Variants in TMC5 observed in about 807,000 individuals in gnomAD.
TMC5 encodes transmembrane channel like 5.
Under a neutral mutation model 110.5 loss-of-function variants are expected in TMC5, and 86 were observed. That is an observed-to-expected ratio of 0.78 (90% CI 0.65 to 0.93). The LOEUF is 0.93. Among genes scored for constraint, TMC5 ranks in the 40% least tolerant of loss-of-function variants. The pLI, the probability that TMC5 is intolerant of heterozygous loss-of-function variation, is 0.00. For synonymous variants in TMC5, 455 were observed against 439.5 expected (o/e 1.04, Z -0.44); for missense variants, 1,144 against 1,222.8 (o/e 0.94, Z 0.96).
At chr16:19,474,323 G>T (rs1373700315) in intron 12 of TMC5, 47 bp downstream of exon 12, 1 of 1,585,194 alleles carries the variant, frequency 6.3e-7, no homozygotes, top group Non-Finnish European at 8.6e-7. Context: ...TCCACAGAGA[G>T]AAGTGGGATG....
chr16:19,418,577 C>T (rs1217037994), intron 1 of TMC5, among the ~76,000 whole-genome samples: 3 of 151,916 alleles, frequency 2.0e-5, no homozygotes, highest in Non-Finnish European at 4.4e-5. Context: ...GGTGGTCTCT[C>T]CCAATGGTAT....
chr16:19,484,278 G>A (rs1968685594), intron 15 of TMC5, among the ~76,000 whole-genome samples: 1 of 152,184 alleles, frequency 6.6e-6, no homozygotes, highest in South Asian at 2.1e-4. Context: ...TAGAGACAGT[G>A]AGGACCTTTC....
intron 4 of TMC5, among the ~76,000 whole-genome samples, chr16:19,445,186 A>C (rs1967586266): frequency 6.6e-6 from 1 of 152,110 alleles, no homozygotes; most frequent in East Asian, 1.9e-4. Flanking sequence ...TATTTGAAAA[A>C]TCATGTTGTC....
chr16:19,491,976 G>A (rs1968918695), intron 18 of TMC5, among the ~76,000 whole-genome samples, 174 bp from the exon 19 acceptor site: 1 of 152,160 alleles, frequency 6.6e-6, no homozygotes, highest in African/African-American at 2.4e-5. Context: ...TCCCCCTTCA[G>A]GAACCATTGT....
intron 8 of TMC5, 61 bp downstream of exon 8, chr16:19,464,085 C>T: frequency 1.3e-6 from 2 of 1,564,042 alleles, no homozygotes; most frequent in Non-Finnish European, 1.7e-6. Context: ...CAGGGACGTG[C>T]CTTGCCGGTC....
At chr16:19,417,078 A>G (rs1252761622), upstream of TMC5, among the ~76,000 whole-genome samples, 1 of 140,508 alleles carries the variant, frequency 7.1e-6, no homozygotes, top group African/African-American at 2.7e-5. Flanking sequence ...TGGGCGACAG[A>G]GCAAGACTCA....
intron 17 of TMC5, chr16:19,488,004 G>C (rs1286190928): frequency 6.5e-6 from 1 of 152,800 alleles, no homozygotes; most frequent in Non-Finnish European, 1.5e-5. Context: ...TCAGTAGGCT[G>C]TGGGATATGG....
chr16:19,444,343 G>A (rs1487719808), intron 4 of TMC5, 93 bp downstream of exon 4: 2 of 1,144,646 alleles, frequency 1.7e-6, no homozygotes, highest in Admixed American at 2.4e-5. Context: ...GGCAATAGGA[G>A]AATTGGTGTA....
intron 1 of TMC5, among the ~76,000 whole-genome samples, chr16:19,429,221 G>A (rs1967147280): frequency 6.6e-6 from 1 of 152,156 alleles, no homozygotes; most frequent in Non-Finnish European, 1.5e-5. Context: ...TAGGCTCCAA[G>A]GAGTCTAAGT....
rs538102129 is a variant in TMC5, at chr16:19,428,513, T to C, written c.-307-1900T>C. ...AAAAATACATTAGAACTCATGTTAA[T>C]TCAGTGTTATAAGACGCATTTGTTA... On this transcript the variant is annotated intron_variant, in intron 1 of 21. Transcript: ENST00000542583. Among the ~76,000 whole-genome samples the C allele has an allele frequency of 4.3e-4, 66 of 152,276 alleles. 1 individual carries two copies. The South Asian group carries it at 0.013, about 30-fold the overall frequency.
At chr16:19,423,459 T>C (rs1967026781) in intron 1 of TMC5, among the ~76,000 whole-genome samples, 1 of 152,234 alleles carries the variant, frequency 6.6e-6, no homozygotes, top group East Asian at 1.9e-4. Context: ...CTCCACTTCA[T>C]AAGAGAAGGA....
Position 19,486,992 on chromosome 16 carries a change from T to C in TMC5, c.2411T>C (p.Met804Thr). ...CTGCTGCCCTTTATCCAAATGATTA[T>C]GCTTTTCATCATGTTCTACTCCAAA... Reference protein sequence around the residue: ...CPLLPFIQMIMLFIMFYSKNI... With the variant: ...CPLLPFIQMITLFIMFYSKNI... The change falls in exon 16 of 22, where the codon ATG becomes ACG. Residue 804 changes from methionine (M) to threonine (T), a missense_variant. Met to Thr is a moderately conservative substitution (Grantham distance 81). Coordinates refer to ENST00000542583, the MANE Select transcript of TMC5 (RefSeq NM_001261841.2). 1.2e-6 allele frequency: 2 copies of C among 1,614,132 alleles called. No individual in the cohort carries two copies. The highest frequency in any genetic ancestry group is 2.2e-5 in the East Asian group (1 of 44,878).
Position 19,473,593 on chromosome 16 carries a change from C to T in TMC5, c.1939-532C>T, listed in dbSNP as rs552466966. Among the ~76,000 whole-genome samples the T allele has an allele frequency of 2.0e-5, 3 of 152,300 alleles. No homozygotes were observed. In the South Asian group the frequency reaches 6.2e-4, roughly 32 times the overall value. ...GACACACCTAGGCTCCAATCTGCCA[C>T]TTCCTTGCTGGGTGACCCTGGGCAA... is the stretch of plus-strand genomic sequence containing the variant. On this transcript the variant is annotated intron_variant, in intron 11 of 21. Transcript: ENST00000542583.
chr16:19,440,873 T>A (rs1213915540), intron 3 of TMC5, 47 bp downstream of exon 3: 1 of 1,554,320 alleles, frequency 6.4e-7, no homozygotes, highest in Admixed American at 1.8e-5. Flanking sequence ...TGCTGAGTGC[T>A]GAATCATTAA....
At chr16:19,463,728 T>A in intron 7 of TMC5, 48 bp from the exon 8 acceptor site, 2 of 1,595,490 alleles carry the variant, frequency 1.3e-6, no homozygotes, top group Non-Finnish European at 1.7e-6. Flanking sequence ...TCAGTCGATA[T>A]TTGTTGAGTC....
At position 19,472,502 on chromosome 16, in the gene TMC5, G is replaced by A. The variant is rs554920170; in HGVS notation, c.1938+259G>A. On this transcript the variant is annotated intron_variant, in intron 11 of 21. Coordinates refer to ENST00000542583, the MANE Select transcript of TMC5 (RefSeq NM_001261841.2). ...GCCTGGGCAACATGGAGACTTCATC[G>A]CTAAAAAAATTTTAAAAATTAGCCT... Among the ~76,000 whole-genome samples, 72 of 152,052 alleles carry A rather than the reference G, an allele frequency of 4.7e-4. No homozygotes were observed. The East Asian group carries it at 6.8e-3, about 14-fold the overall frequency.
At chr16:19,474,313 T>A in intron 12 of TMC5, 37 bp downstream of exon 12, 1 of 1,599,826 alleles carries the variant, frequency 6.3e-7, no homozygotes, top group Non-Finnish European at 8.5e-7. Flanking sequence ...AGCCTCTATT[T>A]CCACAGAGAG....
chr16:19,490,022 C>T (rs1968847323), intron 17 of TMC5, among the ~76,000 whole-genome samples: 1 of 152,066 alleles, frequency 6.6e-6, no homozygotes, highest in Admixed American at 6.6e-5. Flanking sequence ...TGGGCTCAAG[C>T]AATCCTCCCA....
At position 19,427,172 on chromosome 16, in the gene TMC5, G is replaced by A. The variant is rs1329742053; in HGVS notation, c.-307-3241G>A. On this transcript the variant is annotated intron_variant, in intron 1 of 21. Coordinates refer to ENST00000542583, the MANE Select transcript of TMC5 (RefSeq NM_001261841.2). ...ATAATGTTTTAAATGTTGGAGTTCC[G>A]GCTGGGCACAATGGCTCACACCTGT... 5.9e-5 allele frequency among the ~76,000 whole-genome samples: 9 copies of A among 152,272 alleles called. 1 individual carries two copies. The South Asian group carries it at 8.3e-4, about 14-fold the overall frequency.
Sources: allele counts gnomAD v4.1 joint callset (sites outside exome capture counted in the v4.1 genomes callset), GRCh38; gene constraint gnomAD v4.1.1; transcripts MANE v1.5; gene names NCBI Gene and HGNC (gene_info 2026-07-23, HGNC 2026-07-21).